ASB7: variants seen among roughly 807,000 people sequenced by gnomAD.
ASB7 encodes the protein ankyrin repeat and SOCS box containing 7.
Under a neutral mutation model 32.5 loss-of-function variants are expected in ASB7, and 4 were observed. That is an observed-to-expected ratio of 0.12 (90% CI 0.06 to 0.28). The LOEUF is 0.28. Ranked by LOEUF, ASB7 falls within the 10% of genes least tolerant of loss-of-function variation. The pLI, the probability that ASB7 is intolerant of heterozygous loss-of-function variation, is 1.00. For synonymous variants in ASB7, 172 were observed against 155.6 expected (o/e 1.11, Z -0.78); for missense variants, 181 against 407.1 (o/e 0.44, Z 4.78).
intron 3 of ASB7, among the ~76,000 whole-genome samples, chr15:100,610,368 G>A (rs373428791): frequency 1.2e-4 from 18 of 152,148 alleles, no homozygotes; most frequent in South Asian, 4.1e-4. Context: ...GGTGGCAGGC[G>A]CCTGTAGTCC....
rs1318535514 is a variant in ASB7 at position 100,633,023 on chromosome 15, G to A, written c.817+2981G>A. Among the ~76,000 whole-genome samples the A allele has an allele frequency of 4.6e-5, 7 of 152,088 alleles. No individual in the cohort carries two copies. The East Asian group carries it at 1.2e-3, about 25-fold the overall frequency. On this transcript the variant is annotated intron_variant, in intron 5 of 5. Coordinates refer to ENST00000332783, the MANE Select transcript of ASB7 (RefSeq NM_198243.3). ...AGACCTCAGAACCTCCCCCTTCCAG[G>A]ACGTCAGGAGCGCAGCAGGGCCCAT...
intron 4 of ASB7, among the ~76,000 whole-genome samples, chr15:100,621,414 A>G (rs1412180008): frequency 1.3e-5 from 2 of 152,178 alleles, no homozygotes; most frequent in Non-Finnish European, 2.9e-5. Context: ...CAATTCAGTA[A>G]TTAGAGTATG....
chr15:100,605,815 G>T (rs1270566913), intron 2 of ASB7, among the ~76,000 whole-genome samples: 1 of 152,178 alleles, frequency 6.6e-6, no homozygotes, highest in Non-Finnish European at 1.5e-5. Flanking sequence ...TAAGCTTTGA[G>T]TTGGGTCTGG....
intron 5 of ASB7, among the ~76,000 whole-genome samples, chr15:100,632,442 T>G (rs2039891199): frequency 6.6e-6 from 1 of 152,234 alleles, no homozygotes; most frequent in Non-Finnish European, 1.5e-5. Flanking sequence ...TGTGTGTTCT[T>G]TGGCTCTAAA....
intron 4 of ASB7, 27 bp downstream of exon 4, chr15:100,612,454 TC>T: frequency 1.3e-6 from 2 of 1,554,522 alleles, no homozygotes; most frequent in Non-Finnish European, 8.9e-7. Flanking sequence ...CAAATCTTTT[TC>T]CCCATGGAGA....
intron 5 of ASB7, among the ~76,000 whole-genome samples, chr15:100,640,151 T>C (rs2141405817): frequency 6.6e-6 from 1 of 152,210 alleles, no homozygotes; most frequent in South Asian, 2.1e-4. Flanking sequence ...TTCTTTTCTT[T>C]TTTGTTTTTT....
In ASB7 at chr15:100,609,791, C is replaced by A. The variant is rs1285790069; in HGVS notation, c.-89C>A. The A allele has an allele frequency of 6.6e-6, 1 of 152,196 alleles. No individual in the cohort carries two copies. The highest frequency in any genetic ancestry group is 1.5e-5 in the Non-Finnish European group (1 of 68,038). The allele number at this position is 152,196 out of a possible 1,614,324, so 9.4% of individuals were successfully genotyped here. A position where few individuals can be genotyped will look rare whatever the true frequency, so the allele number is the denominator to read the frequency against. Reference sequence around the variant, plus strand: ...CTGTACGTGCACAATGGTTACTAGGCAATCCGTACATCAGGAGAAGGGACA... The same window carrying A: ...CTGTACGTGCACAATGGTTACTAGGAAATCCGTACATCAGGAGAAGGGACA... On this transcript the variant is annotated 5_prime_UTR_variant, in exon 3 of 6. Coordinates refer to ENST00000332783, the MANE Select transcript of ASB7 (RefSeq NM_198243.3).
intron 3 of ASB7, 144 bp from the exon 4 acceptor site, chr15:100,612,022 C>T (rs4965682): frequency 0.34 from 192,743 of 568,854 alleles, 35,347 homozygotes; most frequent in East Asian, 0.62. Flanking sequence ...TATAGGCTTG[C>T]ACCACCACAC....
chr15:100,637,978 T>A (rs1050935695), intron 5 of ASB7, among the ~76,000 whole-genome samples: 2 of 151,856 alleles, frequency 1.3e-5, no homozygotes, highest in Non-Finnish European at 2.9e-5. Flanking sequence ...TACATAAAAA[T>A]TTATTTCAAT....
intron 5 of ASB7, among the ~76,000 whole-genome samples, chr15:100,641,853 CTTGT>C (rs1316006161): frequency 6.6e-6 from 1 of 152,148 alleles, no homozygotes; most frequent in Non-Finnish European, 1.5e-5. Context: ...CCAAAATTAA[CTTGT>C]TTAATGCTTG....
intron 4 of ASB7, among the ~76,000 whole-genome samples, chr15:100,617,615 A>G (rs2039754743): frequency 6.6e-6 from 1 of 152,218 alleles, no homozygotes; most frequent in South Asian, 2.1e-4. Context: ...ATCCTTGTAT[A>G]TATCCCTGCT....
intron 4 of ASB7, among the ~76,000 whole-genome samples, chr15:100,626,304 A>G (rs1330785004): frequency 1.3e-5 from 2 of 152,228 alleles, no homozygotes; most frequent in African/African-American, 2.4e-5. Context: ...ACAACCAATA[A>G]AAATGGATAA....
chr15:100,621,021 C>T (rs536827507), intron 4 of ASB7, among the ~76,000 whole-genome samples: 208 of 152,090 alleles, frequency 1.4e-3, no homozygotes, highest in Middle Eastern at 3.4e-3. Context: ...CACAGAAGAA[C>T]GGTGAAAAAT....
intron 5 of ASB7, chr15:100,630,306 ATT>A: frequency 1.4e-6 from 1 of 712,262 alleles, no homozygotes; most frequent in Non-Finnish European, 1.9e-6. Flanking sequence ...AGAGAGGAGA[ATT>A]TTTTTTAAAT....
At chr15:100,630,086 G>C (rs1376337864) in intron 5 of ASB7, 44 bp downstream of exon 5, 20 of 1,487,366 alleles carry the variant, frequency 1.3e-5, no homozygotes, top group Non-Finnish European at 1.6e-5. Context: ...TTAAAAATTT[G>C]CATCTTCTGA....
chr15:100,637,977 A>G (rs2039935758), intron 5 of ASB7, among the ~76,000 whole-genome samples: 1 of 148,616 alleles, frequency 6.7e-6, no homozygotes, highest in African/African-American at 2.6e-5. Flanking sequence ...TTACATAAAA[A>G]TTTATTTCAA....
At chr15:100,624,514 G>A (rs987277375) in intron 4 of ASB7, among the ~76,000 whole-genome samples, 2 of 152,200 alleles carry the variant, frequency 1.3e-5, no homozygotes, top group African/African-American at 2.4e-5. Flanking sequence ...AAGATTAGGA[G>A]TATAATGGGC....
rs1205836560 is a variant in ASB7 at position 100,629,178 on chromosome 15, T to C, written c.212-259T>C. 6.6e-6 allele frequency among the ~76,000 whole-genome samples: 1 copy of C among 152,242 alleles called. No individual in the cohort carries two copies. Among genetic ancestry groups the C allele is most frequent in the Non-Finnish European group, 1.5e-5 (1 of 68,040 alleles). On this transcript the variant is annotated intron_variant, in intron 4 of 5. Coordinates refer to ENST00000332783, the MANE Select transcript of ASB7 (RefSeq NM_198243.3). This position sits in a 1 kb window ranked among gnomAD's most constrained non-coding sequence, Gnocchi z 6.8. Reference sequence around the variant, plus strand: ...AGACAGGGGATGTGGTGATCTGTACTCCGTGTTTTTTGTGTATATCTTTTT... The same window carrying C: ...AGACAGGGGATGTGGTGATCTGTACCCCGTGTTTTTTGTGTATATCTTTTT...
intron 5 of ASB7, among the ~76,000 whole-genome samples, chr15:100,641,943 C>A (rs373489888): frequency 1.3e-5 from 2 of 152,282 alleles, no homozygotes; most frequent in South Asian, 2.1e-4. Context: ...ACAGAGACTG[C>A]AAGTGGTGGT....
Sources: allele counts gnomAD v4.1 joint callset (sites outside exome capture counted in the v4.1 genomes callset), GRCh38; gene constraint gnomAD v4.1.1; non-coding constraint Gnocchi (gnomAD v3.1); transcripts MANE v1.5; gene names NCBI Gene and HGNC (gene_info 2026-07-23, HGNC 2026-07-21).